The following CTNNA3 variants were observed in gnomAD, a reference collection of about 807,000 sequenced individuals.
CTNNA3 encodes the protein catenin alpha 3, also known as catenin alpha-3.
Under a neutral mutation model 95.7 loss-of-function variants are expected in CTNNA3, and 76 were observed. The ratio of observed to expected loss-of-function variants is 0.79; its 90% CI spans 0.66 to 0.96. The LOEUF (loss-of-function observed/expected upper bound fraction) is 0.96. Among genes scored for constraint, CTNNA3 ranks in the 40% least tolerant of loss-of-function variants. The pLI is 0.00. For synonymous variants in CTNNA3, 431 were observed against 374.4 expected (o/e 1.15, Z -1.74); for missense variants, 1,191 against 1,089.8 (o/e 1.09, Z -1.31).
At chr10:67,100,242 A>C (rs191382962) in intron 7 of CTNNA3, among the ~76,000 whole-genome samples, 81 of 151,830 alleles carry the variant, frequency 5.3e-4, no homozygotes, top group Non-Finnish European at 1.1e-3. Context: ...AACGACTATA[A>C]ATAGAAGCAA....
rs145282356 is a variant in CTNNA3 at position 67,470,121 on chromosome 10, A to G, written c.579+51721T>C. Among the ~76,000 whole-genome samples the G allele has an allele frequency of 2.6e-4, 40 of 152,308 alleles. No homozygotes were observed. In the East Asian group the frequency reaches 7.5e-3, roughly 29 times the overall value. On this transcript the variant is annotated intron_variant, in intron 5 of 17. Coordinates refer to ENST00000433211, the MANE Select transcript of CTNNA3 (RefSeq NM_013266.4). Reference sequence around the variant, plus strand: ...CCTACTATCCTTCCCAACCTCTGGTAACCGTTCTCTTGCTCTCTATCTTCA... The same window carrying G: ...CCTACTATCCTTCCCAACCTCTGGTGACCGTTCTCTTGCTCTCTATCTTCA...
chr10:67,167,544 T>C (rs1464459652), intron 7 of CTNNA3, among the ~76,000 whole-genome samples: 1 of 152,198 alleles, frequency 6.6e-6, no homozygotes, highest in East Asian at 1.9e-4. Context: ...CCAGCCAAGA[T>C]TCAAGAAGAA....
intron 15 of CTNNA3, among the ~76,000 whole-genome samples, chr10:66,006,550 TACC>T (rs1170529095): frequency 6.6e-6 from 1 of 152,138 alleles, no homozygotes; most frequent in African/African-American, 2.4e-5. Flanking sequence ...GTACTGTAAA[TACC>T]ATCACACTCT....
chr10:65,989,849 C>T (rs1051493718), intron 15 of CTNNA3, among the ~76,000 whole-genome samples: 2 of 152,034 alleles, frequency 1.3e-5, no homozygotes, highest in Non-Finnish European at 2.9e-5. Context: ...ATTAACCAAC[C>T]TCTCTTATCC....
intron 5 of CTNNA3, among the ~76,000 whole-genome samples, chr10:67,427,138 G>A (rs939319843): frequency 2.6e-5 from 4 of 151,910 alleles, no homozygotes; most frequent in African/African-American, 9.7e-5. Flanking sequence ...ATGGGTACCA[G>A]GCATCTTTTG....
At chr10:67,279,864 G>T (rs1411769762) in intron 5 of CTNNA3, among the ~76,000 whole-genome samples, 1 of 149,968 alleles carries the variant, frequency 6.7e-6, no homozygotes, top group Admixed American at 6.7e-5. Context: ...TACTAGGGGA[G>T]GTGGAAGAGA....
chr10:67,391,259 C>T (rs1266486409), intron 5 of CTNNA3, among the ~76,000 whole-genome samples: 3 of 151,818 alleles, frequency 2.0e-5, no homozygotes, highest in South Asian at 2.1e-4. Flanking sequence ...TATACACCAA[C>T]AACAGACAAA....
intron 5 of CTNNA3, among the ~76,000 whole-genome samples, chr10:67,273,628 G>A (rs1839069897): frequency 6.6e-6 from 1 of 152,106 alleles, no homozygotes; most frequent in East Asian, 1.9e-4. Flanking sequence ...GTGCATGGAT[G>A]TAAATAGCAC....
intron 7 of CTNNA3, among the ~76,000 whole-genome samples, chr10:66,870,611 T>C (rs1231971107): frequency 6.6e-6 from 1 of 152,210 alleles, no homozygotes; most frequent in Non-Finnish European, 1.5e-5. Flanking sequence ...TTCATAATAT[T>C]GGTGAACATT....
intron 5 of CTNNA3, among the ~76,000 whole-genome samples, chr10:67,244,169 T>C (rs998733915): frequency 6.6e-6 from 1 of 152,202 alleles, no homozygotes; most frequent in African/African-American, 2.4e-5. Context: ...CTAGGCTAAG[T>C]AGATTTGTTT....
At chr10:67,313,005 T>C (rs1216146511) in intron 5 of CTNNA3, among the ~76,000 whole-genome samples, 2 of 152,176 alleles carry the variant, frequency 1.3e-5, no homozygotes, top group African/African-American at 4.8e-5. Context: ...ATTACTACCT[T>C]CATGTTCATT....
At chr10:67,745,705 G>A (rs6480292) in intron 1 of CTNNA3, among the ~76,000 whole-genome samples, 68,098 of 151,870 alleles carry the variant, frequency 0.45, 19,047 homozygotes, top group African/African-American at 0.8. Flanking sequence ...AACTGTTAGA[G>A]CTGACAATAA....
intron 7 of CTNNA3, among the ~76,000 whole-genome samples, chr10:66,918,143 TG>T (rs927839180): frequency 6.6e-6 from 1 of 152,206 alleles, no homozygotes; most frequent in African/African-American, 2.4e-5. Context: ...AAGAATTTTT[TG>T]TGCCTCAGTT....
At chr10:66,077,940 A>T (rs1319963842) in intron 14 of CTNNA3, among the ~76,000 whole-genome samples, 1 of 151,756 alleles carries the variant, frequency 6.6e-6, no homozygotes, top group African/African-American at 2.4e-5. Flanking sequence ...AGCCTGGTTG[A>T]TTTGTTTAGG....
intron 15 of CTNNA3, among the ~76,000 whole-genome samples, chr10:65,998,679 A>G (rs932599056): frequency 6.6e-6 from 1 of 152,210 alleles, no homozygotes; most frequent in African/African-American, 2.4e-5. Context: ...TTGCTTAAGA[A>G]AAGACAGGGA....
chr10:67,066,315 C>T (rs978344458), intron 7 of CTNNA3, among the ~76,000 whole-genome samples: 6 of 151,736 alleles, frequency 4.0e-5, no homozygotes, highest in African/African-American at 1.5e-4. Flanking sequence ...GCCTCAGCCT[C>T]CCAAGTAACT....
chr10:67,399,882 A>C (rs1273627135), intron 5 of CTNNA3, among the ~76,000 whole-genome samples: 2 of 152,234 alleles, frequency 1.3e-5, no homozygotes, highest in Non-Finnish European at 1.5e-5. Flanking sequence ...CTACATAGTC[A>C]GAAAAGTGGA....
intron 7 of CTNNA3, among the ~76,000 whole-genome samples, chr10:67,010,811 C>A (rs117006411): frequency 6.6e-6 from 1 of 152,138 alleles, no homozygotes; most frequent in Non-Finnish European, 1.5e-5. Context: ...TATTTGTATG[C>A]CCAGTTCTCA....
At chr10:66,245,686 A>G (rs2090287864) in intron 13 of CTNNA3, among the ~76,000 whole-genome samples, 1 of 152,122 alleles carries the variant, frequency 6.6e-6, no homozygotes, top group Admixed American at 6.5e-5. Context: ...TCATGCCATC[A>G]TTTTGTACCT....
Sources: gnomAD v4.1 joint callset for allele counts (sites outside exome capture counted in the v4.1 genomes callset) on GRCh38, gnomAD v4.1.1 for gene constraint, MANE v1.5 for transcripts, NCBI Gene and HGNC (gene_info 2026-07-23, HGNC 2026-07-21) for gene names.